RANBP2: variants seen among roughly 807,000 people sequenced by gnomAD.
RANBP2 encodes the protein RAN binding protein 2, also known as E3 SUMO-protein ligase RanBP2.
In RANBP2, 57 loss-of-function variants were observed where a neutral mutation model predicts 303.6. The observed-to-expected ratio is 0.19, with a 90% CI of 0.15 to 0.23. RANBP2 has a LOEUF of 0.23. Ranked by LOEUF, RANBP2 falls within the 10% of genes least tolerant of loss-of-function variation. RANBP2 has a pLI of 1.00. For missense variants in RANBP2, 3,138 were observed against 3,780.8 expected, an observed-to-expected ratio of 0.83 and a Z score of 4.46; for synonymous variants, 1,167 against 1,301.5, an observed-to-expected ratio of 0.90 and a Z score of 2.23.
chr2:108,765,761 C>A lies in RANBP2; in HGVS notation c.5222C>A (p.Ala1741Asp). The change falls in exon 20 of 29, where the codon GCT (alanine) becomes GAT (aspartate). Residue 1741 changes from alanine to aspartate, a missense_variant. Physicochemically the swap from Ala to Asp is moderately radical, Grantham distance 126. This residue lies in a region of RANBP2 where 348 missense variants were observed against 360.4 expected (regional missense o/e 0.97). Transcript: ENST00000283195. ...SVCLVRNEASATKCIACQCPS... is the reference protein window; with the variant it reads ...SVCLVRNEASDTKCIACQCPS... ...TGCTTAGTAAGAAATGAAGCCAGTG[C>A]TACCAAATGTATTGCTTGTCAGTGT... 1.9e-6 allele frequency: 3 copies of A among 1,614,092 alleles called. No individual in the cohort carries two copies. Among genetic ancestry groups the A allele is most frequent in the Non-Finnish European group, 2.5e-6 (3 of 1,179,992 alleles).
the RANBP2 span, among the ~76,000 whole-genome samples, chr2:109,651,336 G>C: frequency 1.3e-5 from 2 of 152,078 alleles, no homozygotes; most frequent in Admixed American, 1.3e-4. Context: ...ATAAGACTGG[G>C]CTCAAGCAAG....
chr2:108,831,138 T>TA, the RANBP2 span, among the ~76,000 whole-genome samples: 3 of 151,436 alleles, frequency 2.0e-5, no homozygotes, highest in African/African-American at 7.3e-5. Context: ...TCATGCTGCT[T>TA]ACTGCACTCC....
intron 17 of RANBP2, 87 bp downstream of exon 17, chr2:108,755,346 G>T (rs1426737208): frequency 6.3e-7 from 1 of 1,588,512 alleles, no homozygotes; most frequent in African/African-American, 1.4e-5. Context: ...AAGCTGGTCA[G>T]AATGTCCCCT....
At chr2:109,218,504 A>G in the RANBP2 span, among the ~76,000 whole-genome samples, 18 of 152,240 alleles carry the variant, frequency 1.2e-4, no homozygotes, top group Non-Finnish European at 1.9e-4. Context: ...CAGAAATAGA[A>G]GAGCAGATGG....
At chr2:108,969,537 T>C in the RANBP2 span, among the ~76,000 whole-genome samples, 1 of 152,248 alleles carries the variant, frequency 6.6e-6, no homozygotes, top group Non-Finnish European at 1.5e-5. Context: ...GACCTTTATA[T>C]GCTATTCAGG....
At chr2:109,155,340 G>A in the RANBP2 span, among the ~76,000 whole-genome samples, 4 of 152,134 alleles carry the variant, frequency 2.6e-5, no homozygotes, top group African/African-American at 9.7e-5. Context: ...TCGCTCTGTT[G>A]CCCAGGCTGG....
the RANBP2 span, chr2:109,553,331 G>C: frequency 1.9e-6 from 2 of 1,057,928 alleles, no homozygotes; most frequent in Non-Finnish European, 2.7e-6. Context: ...GATCACCTAA[G>C]GTCAGGAGTC....
At chr2:109,444,333 G>A in the RANBP2 span, among the ~76,000 whole-genome samples, 1 of 152,222 alleles carries the variant, frequency 6.6e-6, no homozygotes, top group African/African-American at 2.4e-5. Flanking sequence ...AGTCAACTCT[G>A]TGGGTCTATA....
the RANBP2 span, among the ~76,000 whole-genome samples, chr2:109,467,066 A>C: frequency 6.6e-6 from 1 of 152,364 alleles, no homozygotes; most frequent in Admixed American, 6.5e-5. Flanking sequence ...GTAAAATGGC[A>C]CAACTACTTG....
At chr2:109,010,095 T>C in the RANBP2 span, among the ~76,000 whole-genome samples, 5 of 152,222 alleles carry the variant, frequency 3.3e-5, no homozygotes, top group Non-Finnish European at 7.3e-5. Context: ...AAAAATTTTA[T>C]GTATATATTT....
At chr2:109,431,703 C>G in the RANBP2 span, among the ~76,000 whole-genome samples, 487 of 152,266 alleles carry the variant, frequency 3.2e-3, 4 homozygotes, top group African/African-American at 0.011. Context: ...GGGACCCCAT[C>G]TTTACAAAAA....
the RANBP2 span, among the ~76,000 whole-genome samples, chr2:109,199,582 T>TCAACC: frequency 0.013 from 6 of 470 alleles, no homozygotes; most frequent in Non-Finnish European, 0.025. Context: ...TGGAATGGAA[T>TCAACC]GGAATGGAAT....
the RANBP2 span, among the ~76,000 whole-genome samples, chr2:109,102,915 G>T: frequency 4.6e-5 from 7 of 152,194 alleles, no homozygotes; most frequent in African/African-American, 1.7e-4. Context: ...GGGAAGTGGG[G>T]TGCTGCAAAT....
chr2:108,769,717 T>G (rs1208899737), intron 20 of RANBP2, among the ~76,000 whole-genome samples: 3 of 152,062 alleles, frequency 2.0e-5, no homozygotes, highest in Non-Finnish European at 2.9e-5. Flanking sequence ...TGTGCATGGT[T>G]TAGAAAAATG....
chr2:109,667,952 GA>G, the RANBP2 span: 1 of 184,906 alleles, frequency 5.4e-6, no homozygotes, highest in Non-Finnish European at 1.2e-5. Context: ...GGGTCAGAGG[GA>G]AAGAAGAAGC....
At chr2:109,626,772 G>A in the RANBP2 span, among the ~76,000 whole-genome samples, 2 of 152,222 alleles carry the variant, frequency 1.3e-5, no homozygotes, top group Non-Finnish European at 2.9e-5. Flanking sequence ...AAGCTGCCTT[G>A]CAGATGAGGA....
the RANBP2 span, among the ~76,000 whole-genome samples, chr2:109,152,305 A>G: frequency 6.6e-6 from 1 of 152,178 alleles, no homozygotes; most frequent in Non-Finnish European, 1.5e-5. Flanking sequence ...GTGTCTTTAT[A>G]GTTGTGGGGA....
the RANBP2 span, among the ~76,000 whole-genome samples, chr2:109,353,756 CAA>C: frequency 6.6e-6 from 1 of 152,208 alleles, no homozygotes; most frequent in Non-Finnish European, 1.5e-5. Context: ...GACGTGGAGA[CAA>C]GACGAGAGAG....
chr2:108,889,270 G>C, the RANBP2 span, among the ~76,000 whole-genome samples: 121,277 of 152,106 alleles, frequency 0.8, 50,658 homozygotes, highest in East Asian at 0.98. Context: ...TGTATATTCT[G>C]TAGTCAGATA....
Sources: allele counts gnomAD v4.1 joint callset (sites outside exome capture counted in the v4.1 genomes callset), GRCh38; gene constraint gnomAD v4.1.1; regional missense constraint gnomAD v4.1.1; transcripts MANE v1.5; gene names NCBI Gene and HGNC (gene_info 2026-07-23, HGNC 2026-07-21).